KIFAP3: variants seen among roughly 807,000 people sequenced by gnomAD.
The protein encoded by KIFAP3 is kinesin-associated protein 3.
A neutral mutation model predicts 106.5 loss-of-function variants in KIFAP3; 68 were observed. The ratio of observed to expected loss-of-function variants is 0.64; its 90% CI spans 0.53 to 0.78. The LOEUF is 0.78. Ranked by LOEUF, KIFAP3 falls within the 30% of genes least tolerant of loss-of-function variation. KIFAP3 has a pLI of 0.00. For synonymous variants in KIFAP3, 320 were observed against 311.5 expected (o/e 1.03, Z -0.29); for missense variants, 780 against 941.8 (o/e 0.83, Z 2.25).
chr1:169,942,003 G>A (rs1664146477), intron 19 of KIFAP3, among the ~76,000 whole-genome samples: 1 of 149,166 alleles, frequency 6.7e-6, no homozygotes, highest in Non-Finnish European at 1.5e-5. Flanking sequence ...TGTTTGTAAG[G>A]ACCCATTTGA....
intron 1 of KIFAP3, among the ~76,000 whole-genome samples, chr1:170,081,962 G>A (rs563158686): frequency 2.6e-5 from 4 of 152,334 alleles, no homozygotes; most frequent in African/African-American, 9.6e-5. Context: ...TGGTAAGAAT[G>A]TGGAGCTACT....
At chr1:169,959,306 G>A (rs1665193631) in intron 18 of KIFAP3, among the ~76,000 whole-genome samples, 1 of 151,924 alleles carries the variant, frequency 6.6e-6, no homozygotes, top group Admixed American at 6.6e-5. Flanking sequence ...TTTAGTCCAT[G>A]GACTATCCAT....
chr1:170,022,415 C>A (rs1204591547), intron 9 of KIFAP3, among the ~76,000 whole-genome samples: 2 of 151,852 alleles, frequency 1.3e-5, no homozygotes, highest in Non-Finnish European at 2.9e-5. Flanking sequence ...TATTGTTAAT[C>A]TTACTAAAAA....
intron 17 of KIFAP3, among the ~76,000 whole-genome samples, chr1:169,968,401 C>T (rs1388804647): frequency 3.3e-5 from 5 of 151,936 alleles, no homozygotes; most frequent in Admixed American, 6.6e-5. Flanking sequence ...CACAGAGCTA[C>T]ATAGATCTGC....
At chr1:170,041,734 G>T (rs761820605) in intron 3 of KIFAP3, 8 of 1,534,916 alleles carry the variant, frequency 5.2e-6, no homozygotes, top group African/African-American at 1.4e-5. Flanking sequence ...AGACTTCTCC[G>T]GTAAGTGTTG....
At position 170,034,446 on chromosome 1, in the gene KIFAP3, C is replaced by T; in HGVS notation, c.668G>A (p.Cys223Tyr). 1 of 1,577,240 alleles carries T rather than the reference C, an allele frequency of 6.3e-7. No individual in the cohort carries two copies. Among genetic ancestry groups the T allele is most frequent in the Non-Finnish European group, 8.7e-7 (1 of 1,151,140 alleles). The change falls in exon 7 of 20, where the codon TGT becomes TAT. Residue 223 changes from cysteine to tyrosine, a missense_variant. Around this residue, in one of 3 missense-constraint regions of KIFAP3, gnomAD observed 588 missense variants for 678.9 expected, o/e 0.87. Transcript: ENST00000361580. Reference sequence around the variant, plus strand: ...TAACTCATGATCAATAATATTCATACACAGAGCTCCAATTTTATAGTGAGT... The same window carrying T: ...TAACTCATGATCAATAATATTCATATACAGAGCTCCAATTTTATAGTGAGT... Reference protein sequence around the residue: ...LITHYKIGALCMNIIDHELKR... With the variant: ...LITHYKIGALYMNIIDHELKR...
chr1:169,956,130 C>A (rs759895955), intron 18 of KIFAP3, among the ~76,000 whole-genome samples: 1 of 151,880 alleles, frequency 6.6e-6, no homozygotes, highest in Non-Finnish European at 1.5e-5. Context: ...AAGAAACCTG[C>A]CAATTTTAGA....
chr1:169,931,992 T>C (rs1245203307), intron 19 of KIFAP3, among the ~76,000 whole-genome samples: 1 of 152,202 alleles, frequency 6.6e-6, no homozygotes, highest in Non-Finnish European at 1.5e-5. Context: ...CAGCCATCAG[T>C]TATACTTTTG....
At chr1:169,993,668 C>G (rs1438802091) in intron 10 of KIFAP3, among the ~76,000 whole-genome samples, 33,736 of 125,576 alleles carry the variant, frequency 0.27, 10,928 homozygotes, top group Admixed American at 0.29. Flanking sequence ...TTGCAGTGAG[C>G]CCAGATTGTG....
chr1:170,049,050 G>C (rs934392884), intron 2 of KIFAP3, among the ~76,000 whole-genome samples: 2 of 152,236 alleles, frequency 1.3e-5, no homozygotes, highest in Admixed American at 6.5e-5. Flanking sequence ...CACTCTTATG[G>C]AGCCCAGCAA....
At chr1:169,955,300 C>T (rs1264996128) in intron 18 of KIFAP3, among the ~76,000 whole-genome samples, 1 of 152,138 alleles carries the variant, frequency 6.6e-6, no homozygotes, top group African/African-American at 2.4e-5. Flanking sequence ...AATTACAATA[C>T]ATAACCTCTG....
chr1:170,074,701 G>T, upstream of KIFAP3: 1 of 1,404,080 alleles, frequency 7.1e-7, no homozygotes, highest in African/African-American at 1.4e-5. Context: ...CGCCTAAGCC[G>T]GGCCGTCACG....
chr1:169,965,937 G>A (rs1030378436), intron 17 of KIFAP3, among the ~76,000 whole-genome samples: 2 of 151,868 alleles, frequency 1.3e-5, no homozygotes, highest in African/African-American at 4.8e-5. Context: ...AGCACCAAAT[G>A]TAATGACTGC....
chr1:169,998,609 C>T (rs1046516390), intron 10 of KIFAP3, among the ~76,000 whole-genome samples: 3 of 152,040 alleles, frequency 2.0e-5, no homozygotes, highest in Non-Finnish European at 2.9e-5. Flanking sequence ...AATTTAATTC[C>T]CCCCCTTTTT....
intron 11 of KIFAP3, among the ~76,000 whole-genome samples, chr1:169,985,028 C>G (rs144692106): frequency 1.4e-3 from 220 of 151,782 alleles, no homozygotes; most frequent in African/African-American, 5.1e-3. Context: ...GCAAAGGTCA[C>G]AATGCAGGAA....
intron 16 of KIFAP3, among the ~76,000 whole-genome samples, chr1:169,977,737 T>C (rs905750901): frequency 6.6e-6 from 1 of 152,012 alleles, no homozygotes; most frequent in East Asian, 1.9e-4. Context: ...GAAATAGATG[T>C]GGTTTCCCAA....
At chr1:169,957,503 T>A (rs751957243) in intron 18 of KIFAP3, among the ~76,000 whole-genome samples, 1 of 152,204 alleles carries the variant, frequency 6.6e-6, no homozygotes, top group East Asian at 1.9e-4. Context: ...TTCTGATTTC[T>A]GAAAGCCAGT....
chr1:169,995,202 A>G (rs115261686), intron 10 of KIFAP3, among the ~76,000 whole-genome samples: 185 of 152,278 alleles, frequency 1.2e-3, no homozygotes, highest in African/African-American at 4.3e-3. Context: ...CACATTTGCC[A>G]TAGCAAAACT....
chr1:170,048,315 G>A (rs1456711027), intron 2 of KIFAP3, among the ~76,000 whole-genome samples: 1 of 145,930 alleles, frequency 6.9e-6, no homozygotes, highest in Non-Finnish European at 1.5e-5. Context: ...TTTTTTTTTG[G>A]TTCCTACCTT....
Sources: allele counts gnomAD v4.1 joint callset (sites outside exome capture counted in the v4.1 genomes callset), GRCh38; gene constraint gnomAD v4.1.1; regional missense constraint gnomAD v4.1.1; transcripts MANE v1.5; gene names NCBI Gene and HGNC (gene_info 2026-07-23, HGNC 2026-07-21).